LHX9: variants seen among roughly 807,000 people sequenced by gnomAD.
LHX9 encodes the protein LIM/homeobox protein Lhx9.
LHX9 carries 9 observed loss-of-function variants against 36.5 expected under a neutral mutation model. The observed-to-expected ratio is 0.25, with a 90% confidence interval of 0.15 to 0.43. The LOEUF is 0.43. LHX9 is among the 20% of genes least tolerant of loss of function. The pLI, the probability that LHX9 is intolerant of heterozygous loss-of-function variation, is 1.00. For missense variants in LHX9, 464 were observed against 526.4 expected (o/e 0.88, Z 1.16); for synonymous variants, 211 against 212.1 (o/e 0.99, Z 0.04).
At chr1:197,926,878 G>A (rs900251470) in intron 3 of LHX9, among the ~76,000 whole-genome samples, 3 of 152,132 alleles carry the variant, frequency 2.0e-5, no homozygotes. Context: ...TTCTGGTATA[G>A]CCCTGTGTTA....
rs1466762608 is a variant in LHX9, at chr1:197,917,652, T to C, written c.-172T>C. 2.7e-5 allele frequency: 41 copies of C among 1,517,898 alleles called. No individual in the cohort carries two copies. The Admixed American group carries it at 1.0e-3, about 38-fold the overall frequency. 94.0% of individuals were successfully genotyped at this position (1,517,898 alleles called of 1,614,324 possible). A position where few individuals can be genotyped will look rare whatever the true frequency, so the allele number is the denominator to read the frequency against. On this transcript the variant is annotated 5_prime_UTR_variant, in exon 1 of 5. Transcript: ENST00000367387. ...TCCCCCCAACTCTTCCCAGTTCTTT[T>C]TGCTTCCCCTCGGCCCCCCAAGCAG...
At position 197,919,956 on chromosome 1, in the gene LHX9, T is replaced by C; in HGVS notation, c.175-16T>C. On this transcript the variant is annotated splice_polypyrimidine_tract_variant and intron_variant, in intron 1 of 4. Transcript: ENST00000367387. Reference sequence around the variant, plus strand: ...CCGCGCGCCCTCCTCAGCCTTGCGGTGTGCTTTCTTTGCAGGGCATGCCCC... The same window carrying C: ...CCGCGCGCCCTCCTCAGCCTTGCGGCGTGCTTTCTTTGCAGGGCATGCCCC... 2 of 1,613,182 alleles carry C rather than the reference T, an allele frequency of 1.2e-6. No individual in the cohort carries two copies. The highest frequency in any genetic ancestry group is 8.5e-7 in the Non-Finnish European group (1 of 1,179,746).
rs1194923038 is a variant in LHX9, at chr1:197,933,311, T to G, written c.*4052T>G. ...GAATTTTGAATGTTTTCTTAAATGC[T>G]TTCACTTCCTGAATAATAAAAAGAA... On this transcript the variant is annotated 3_prime_UTR_variant, in exon 5 of 5. Transcript: ENST00000367387. 2.0e-5 allele frequency: 3 copies of G among 152,070 alleles called. No homozygotes were observed. The highest frequency in any genetic ancestry group is 4.4e-5 in the Non-Finnish European group (3 of 67,990). 9.4% of individuals were successfully genotyped at this position (152,070 alleles called of 1,614,324 possible). A position where few individuals can be genotyped will look rare whatever the true frequency, so the allele number is the denominator to read the frequency against.
upstream of LHX9, chr1:197,916,703 C>G: frequency 1.4e-6 from 1 of 702,920 alleles, no homozygotes; most frequent in Non-Finnish European, 2.6e-6. Flanking sequence ...AACGCCCTCT[C>G]CACTTCGGAT....
intron 1 of LHX9, among the ~76,000 whole-genome samples, chr1:197,918,980 A>G (rs1204647009): frequency 6.6e-6 from 1 of 151,956 alleles, no homozygotes. Flanking sequence ...TATTTGTAAC[A>G]CTCATTCAGT....
At position 197,921,798 on chromosome 1, in the gene LHX9, C is replaced by G. The variant is rs1309422167; in HGVS notation, c.733+139C>G. On this transcript the variant is annotated intron_variant, in intron 3 of 4. Coordinates refer to ENST00000367387, the MANE Select transcript of LHX9 (RefSeq NM_020204.3). This position sits in a 1 kb window ranked among gnomAD's most constrained non-coding sequence, Gnocchi z 4.6. ...GTTCTCACTGCAACTCCCTCTCACTCTGAAGGAAGGGAGAGAGGGAGGAGG... is the reference window on the plus strand; with the variant it reads ...GTTCTCACTGCAACTCCCTCTCACTGTGAAGGAAGGGAGAGAGGGAGGAGG... The G allele has an allele frequency of 1.3e-5, 9 of 712,986 alleles. No individual in the cohort carries two copies. Among genetic ancestry groups the G allele is most frequent in the Non-Finnish European group, 1.8e-5 (8 of 443,364 alleles). The allele number at this position is 712,986 out of a possible 1,614,324, so 44.2% of individuals were successfully genotyped here. A position where few individuals can be genotyped will look rare whatever the true frequency, so the allele number is the denominator to read the frequency against.
Position 197,932,096 on chromosome 1 carries a change from G to T in LHX9, c.*2837G>T. On this transcript the variant is annotated 3_prime_UTR_variant, in exon 5 of 5. Coordinates refer to ENST00000367387, the MANE Select transcript of LHX9 (RefSeq NM_020204.3). Reference sequence around the variant, plus strand: ...TAAGCCAAAAAAAAAGAGAGAGAGAGAGACTTAAATGTCATTTACTGAATG... The same window carrying T: ...TAAGCCAAAAAAAAAGAGAGAGAGATAGACTTAAATGTCATTTACTGAATG... 1 of 673,568 alleles carries T rather than the reference G, an allele frequency of 1.5e-6. No homozygotes were observed. Among genetic ancestry groups the T allele is most frequent in the African/African-American group, 1.8e-5 (1 of 55,182 alleles). 41.7% of individuals were successfully genotyped at this position (673,568 alleles called of 1,614,324 possible). A position where few individuals can be genotyped will look rare whatever the true frequency, so the allele number is the denominator to read the frequency against.
chr1:197,922,738 C>G (rs1660030404), intron 3 of LHX9, among the ~76,000 whole-genome samples: 1 of 152,158 alleles, frequency 6.6e-6, no homozygotes, highest in African/African-American at 2.4e-5. Context: ...ACAGGGGAGA[C>G]CATTCTGTTG....
upstream of LHX9, chr1:197,917,206 G>A (rs1659789594): frequency 3.4e-6 from 4 of 1,190,382 alleles, 2 homozygotes; most frequent in South Asian, 3.3e-5. Flanking sequence ...CCTTTGTAAT[G>A]TTTGTCCTGC....
intron 2 of LHX9, 84 bp downstream of exon 2, chr1:197,920,258 C>A: frequency 7.5e-7 from 1 of 1,327,922 alleles, no homozygotes; most frequent in Non-Finnish European, 1.1e-6. Flanking sequence ...TCTCCGTCCC[C>A]TACCTTTTGC....
At position 197,921,733 on chromosome 1, in the gene LHX9, C is replaced by A; in HGVS notation, c.733+74C>A. ...AAATTCGTAGAGCTCCTTCCCCGTC[C>A]AAAGTCTTGCTGCAAGAGTGTGTTT... On this transcript the variant is annotated intron_variant, in intron 3 of 4. Coordinates refer to ENST00000367387, the MANE Select transcript of LHX9 (RefSeq NM_020204.3). The surrounding 1 kb of genome is among the most constrained non-coding windows in gnomAD (Gnocchi z 4.6). 8.1e-7 allele frequency: 1 copy of A among 1,240,714 alleles called. No homozygotes were observed. Among genetic ancestry groups the A allele is most frequent in the Non-Finnish European group, 1.1e-6 (1 of 910,256 alleles). 76.9% of individuals were successfully genotyped at this position (1,240,714 alleles called of 1,614,324 possible). A position where few individuals can be genotyped will look rare whatever the true frequency, so the allele number is the denominator to read the frequency against.
chr1:197,917,205 T>G, upstream of LHX9: 1 of 1,192,140 alleles, frequency 8.4e-7, no homozygotes, highest in South Asian at 1.7e-5. Context: ...CCCTTTGTAA[T>G]GTTTGTCCTG....
At chr1:197,914,492 A>G (rs532440993), upstream of LHX9, among the ~76,000 whole-genome samples, 24 of 152,246 alleles carry the variant, frequency 1.6e-4, no homozygotes, top group African/African-American at 5.5e-4. Context: ...CCTTATTTAA[A>G]GTGCTTATTT....
At chr1:197,916,670 C>T (rs1367930486), upstream of LHX9, 1 of 702,896 alleles carries the variant, frequency 1.4e-6, no homozygotes, top group Non-Finnish European at 2.6e-6. Context: ...CCAAAAGTAA[C>T]CCTGAGAAAT....
In LHX9 at chr1:197,927,811, TTGAC is replaced by T; in HGVS notation, c.936+21_936+24del. 6.2e-7 allele frequency: 1 copy of T among 1,600,988 alleles called. No homozygotes were observed. Among genetic ancestry groups the T allele is most frequent in the East Asian group, 2.2e-5 (1 of 44,816 alleles). ...TTTTGCAGGTAAGACACATGCATCA[TTGAC>T]TGTGCATACATTTCCCTTCCCCTTC... On this transcript the variant is annotated intron_variant, in intron 4 of 4. Coordinates refer to ENST00000367387, the MANE Select transcript of LHX9 (RefSeq NM_020204.3).
At chr1:197,919,870 C>A in intron 1 of LHX9, 102 bp from the exon 2 acceptor site, 1 of 1,182,464 alleles carries the variant, frequency 8.5e-7, no homozygotes, top group Non-Finnish European at 1.2e-6. Context: ...GCCCCTGCCG[C>A]TCTCCCTGCA....
rs1660397853 is a variant in LHX9 at position 197,934,257 on chromosome 1, T to C, written c.*4998T>C. ...TAACCCTTTTTTGGGAGTCAAAGTA[T>C]TGTTTTTTTATTAGCCACATATAAA... On this transcript the variant is annotated 3_prime_UTR_variant, in exon 5 of 5. Transcript: ENST00000367387. 1 of 127,682 alleles carries C rather than the reference T, an allele frequency of 7.8e-6. No individual in the cohort carries two copies. Among genetic ancestry groups the C allele is most frequent in the Non-Finnish European group, 2.0e-5 (1 of 50,900 alleles). The allele number at this position is 127,682 out of a possible 1,614,324, so 7.9% of individuals were successfully genotyped here.
upstream of LHX9, chr1:197,912,508 T>G (rs760838581): frequency 4.3e-6 from 7 of 1,613,930 alleles, no homozygotes; most frequent in African/African-American, 1.3e-5. Flanking sequence ...CATTACGGCG[T>G]GATCCACTCC....
chr1:197,927,964 G>C (rs1470623828), intron 4 of LHX9, among the ~76,000 whole-genome samples, 171 bp downstream of exon 4: 1 of 152,156 alleles, frequency 6.6e-6, no homozygotes, highest in East Asian at 1.9e-4. Flanking sequence ...CTTCCTGGAG[G>C]GTTCCCAAAC....
Sources: allele counts gnomAD v4.1 joint callset (sites outside exome capture counted in the v4.1 genomes callset), GRCh38; gene constraint gnomAD v4.1.1; non-coding constraint Gnocchi (gnomAD v3.1); transcripts MANE v1.5; gene names NCBI Gene and HGNC (gene_info 2026-07-23, HGNC 2026-07-21).